Variants in RABGAP1L observed in about 807,000 individuals in gnomAD.
RABGAP1L encodes the protein RAB GTPase activating protein 1 like.
RABGAP1L carries 63 observed loss-of-function variants against 137.7 expected under a neutral mutation model. The observed-to-expected ratio is 0.46, with a 90% CI of 0.37 to 0.56. RABGAP1L has a LOEUF of 0.56. Ranked by LOEUF, RABGAP1L falls within the 20% of genes least tolerant of loss-of-function variation. The pLI, the probability that RABGAP1L is intolerant of heterozygous loss-of-function variation, is 0.00. For missense variants in RABGAP1L, 1,095 were observed against 1,244.0 expected, an observed-to-expected ratio of 0.88 and a Z score of 1.80; for synonymous variants, 431 against 433.7, an observed-to-expected ratio of 0.99 and a Z score of 0.08.
intron 15 of RABGAP1L, among the ~76,000 whole-genome samples, chr1:174,694,078 A>T (rs1327304953): frequency 6.6e-6 from 1 of 152,238 alleles, no homozygotes; most frequent in East Asian, 1.9e-4. Context: ...ATTAAGTATT[A>T]TAAAGAGATG....
Position 174,892,727 on chromosome 1 carries a change from T to C in RABGAP1L, c.2341-64730T>C, listed in dbSNP as rs58520983. ...TTCAGGCTACCTCATTTCTTTGTTT[T>C]CTTTCTTTTTTTTTTTTTTGTGATG... On this transcript the variant is annotated intron_variant, in intron 19 of 25. Transcript: ENST00000681986. 8.1e-4 allele frequency: 378 copies of C among 467,464 alleles called. 5 individuals carry two copies. In the African/African-American group the frequency reaches 8.2e-3, roughly 10 times the overall value. 29.0% of individuals were successfully genotyped at this position (467,464 alleles called of 1,614,324 possible).
chr1:174,262,723 A>G lies in RABGAP1L; in HGVS notation c.987-9691A>G, dbSNP rs566298888. Among the ~76,000 whole-genome samples the G allele has an allele frequency of 6.0e-4, 92 of 152,352 alleles. 1 individual carries two copies. The South Asian group carries it at 0.019, about 31-fold the overall frequency. The stretch of plus-strand genomic sequence containing the variant: ...GATATGTAGCCTGGCTGCTAATTAG[A>G]AGAGATTGGGTATTTTAACCATATC... On this transcript the variant is annotated intron_variant, in intron 7 of 25. Coordinates refer to ENST00000681986, the MANE Select transcript of RABGAP1L (RefSeq NM_001366446.1).
intron 19 of RABGAP1L, among the ~76,000 whole-genome samples, chr1:174,818,252 G>T (rs1690644850): frequency 6.6e-6 from 1 of 152,172 alleles, no homozygotes; most frequent in South Asian, 2.1e-4. Flanking sequence ...ATAGAAGCTG[G>T]TGAGACTAGA....
chr1:174,325,952 G>A (rs532600550), intron 11 of RABGAP1L, among the ~76,000 whole-genome samples: 1 of 152,208 alleles, frequency 6.6e-6, no homozygotes, highest in Non-Finnish European at 1.5e-5. Context: ...GACCTTCCGT[G>A]GGTCTATCCT....
rs58047309 is a variant in RABGAP1L, at chr1:174,627,020, C to T, written c.1711-10355C>T. On this transcript the variant is annotated intron_variant, in intron 13 of 25. Coordinates refer to ENST00000681986, the MANE Select transcript of RABGAP1L (RefSeq NM_001366446.1). The stretch of plus-strand genomic sequence containing the variant: ...CTGATTGTGCTAGGGACAGTCTATA[C>T]TGGCATTTTTAATGGCACTAACAGA... Among the ~76,000 whole-genome samples the T allele has an allele frequency of 5.7e-3, 873 of 152,260 alleles. 8 individuals are homozygous for T. Among genetic ancestry groups the T allele is most frequent in the African/African-American group, 0.02 (835 of 41,534 alleles).
chr1:174,814,845 C>A (rs758456825), intron 19 of RABGAP1L, among the ~76,000 whole-genome samples: 1 of 152,050 alleles, frequency 6.6e-6, no homozygotes, highest in Non-Finnish European at 1.5e-5. Context: ...TGTGCCACCA[C>A]GCCTGGCTAT....
At chr1:174,558,146 G>A (rs941793415) in intron 13 of RABGAP1L, among the ~76,000 whole-genome samples, 3 of 152,132 alleles carry the variant, frequency 2.0e-5, no homozygotes, top group South Asian at 4.1e-4. Flanking sequence ...TAAAGGCAAG[G>A]GCAGTTCATC....
intron 19 of RABGAP1L, among the ~76,000 whole-genome samples, chr1:174,909,402 A>G (rs910028215): frequency 6.6e-6 from 1 of 151,894 alleles, no homozygotes; most frequent in Non-Finnish European, 1.5e-5. Context: ...ATTTTTTTAA[A>G]TATTTGTGGA....
chr1:174,859,482 C>A (rs1352958933), intron 19 of RABGAP1L, among the ~76,000 whole-genome samples: 12 of 133,752 alleles, frequency 9.0e-5, no homozygotes, highest in South Asian at 5.2e-4. Context: ...GACTCCATCT[C>A]AAAAAAAAAG....
chr1:174,365,320 A>G (rs541771406), intron 11 of RABGAP1L: 5 of 152,194 alleles, frequency 3.3e-5, no homozygotes, highest in African/African-American at 4.8e-5. Flanking sequence ...GTACAGCAGT[A>G]TGAATTAATC....
intron 13 of RABGAP1L, among the ~76,000 whole-genome samples, chr1:174,622,422 C>G (rs543547846): frequency 5.9e-4 from 90 of 152,266 alleles, no homozygotes; most frequent in African/African-American, 2.0e-3. Context: ...TATTGCGGCA[C>G]TATTCACAAT....
intron 13 of RABGAP1L, among the ~76,000 whole-genome samples, chr1:174,609,582 C>T (rs185697897): frequency 5.9e-5 from 9 of 152,072 alleles, no homozygotes; most frequent in Non-Finnish European, 1.3e-4. Context: ...CACTATAATC[C>T]AGAGGTACAC....
intron 13 of RABGAP1L, among the ~76,000 whole-genome samples, chr1:174,460,679 T>C (rs535086345): frequency 1.3e-5 from 2 of 152,290 alleles, no homozygotes; most frequent in Admixed American, 6.5e-5. Flanking sequence ...TAATAATGTA[T>C]CAAACTATGA....
chr1:174,727,448 A>C (rs1572944998), intron 17 of RABGAP1L, among the ~76,000 whole-genome samples: 1 of 152,210 alleles, frequency 6.6e-6, no homozygotes, highest in African/African-American at 2.4e-5. Flanking sequence ...CTTTTACTTA[A>C]GCATTGCTGA....
rs1273624423 is a variant in RABGAP1L, at chr1:174,502,601, C to CATATATGTGTGTATATATATGTACAT, written c.1710+108495_1710+108520dup. On this transcript the variant is annotated intron_variant, in intron 13 of 25. Coordinates refer to ENST00000681986, the MANE Select transcript of RABGAP1L (RefSeq NM_001366446.1). ...GTATATATATATATATATATATGTA[C>CATATATGTGTGTATATATATGTACAT]ATATATGTGTGTATATATATGTACA... Among the ~76,000 whole-genome samples, 240 of 81,526 alleles carry CATATATGTGTGTATATATATGTACAT rather than the reference C, an allele frequency of 2.9e-3. 2 individuals are homozygous for CATATATGTGTGTATATATATGTACAT. The highest frequency in any genetic ancestry group is 8.4e-3 in the African/African-American group (156 of 18,604). 53.5% of individuals were successfully genotyped at this position (81,526 alleles called of 152,430 possible).
chr1:174,189,460 T>C (rs1306679763), intron 1 of RABGAP1L, among the ~76,000 whole-genome samples: 1 of 152,230 alleles, frequency 6.6e-6, no homozygotes, highest in Non-Finnish European at 1.5e-5. Context: ...TATACTTACA[T>C]GTCATGGAGA....
chr1:174,507,319 G>C (rs1402069990), intron 13 of RABGAP1L, among the ~76,000 whole-genome samples: 1 of 152,108 alleles, frequency 6.6e-6, no homozygotes, highest in Non-Finnish European at 1.5e-5. Context: ...GTAGCTGTTA[G>C]AATTAGGCTT....
At chr1:174,988,937 T>TGA in intron 25 of RABGAP1L, 99 bp downstream of exon 25, 1 of 1,090,496 alleles carries the variant, frequency 9.2e-7, no homozygotes, top group Non-Finnish European at 1.2e-6. Flanking sequence ...CAGAATTGTA[T>TGA]GATGAATACA....
At chr1:174,323,095 T>C (rs1023606638) in intron 11 of RABGAP1L, among the ~76,000 whole-genome samples, 2 of 152,182 alleles carry the variant, frequency 1.3e-5, no homozygotes, top group Non-Finnish European at 2.9e-5. Flanking sequence ...TTTGGCCTTT[T>C]GCTCTAATTT....
Sources: allele counts gnomAD v4.1 joint callset (sites outside exome capture counted in the v4.1 genomes callset), GRCh38; gene constraint gnomAD v4.1.1; transcripts MANE v1.5; gene names NCBI Gene and HGNC (gene_info 2026-07-23, HGNC 2026-07-21).